The following LRRC4C variants were observed in gnomAD, a reference collection of about 807,000 sequenced individuals.
The protein encoded by LRRC4C is leucine rich repeat containing 4C.
In LRRC4C, 5 loss-of-function variants were observed where a neutral mutation model predicts 33.6. That is an observed-to-expected ratio of 0.15 (90% CI 0.08 to 0.31). The LOEUF (loss-of-function observed/expected upper bound fraction) is 0.31. LRRC4C is among the 10% of genes least tolerant of loss of function. The pLI, the probability that LRRC4C is intolerant of heterozygous loss-of-function variation, is 1.00. For missense variants in LRRC4C, 560 were observed against 796.7 expected (o/e 0.70, Z 3.58); for synonymous variants, 329 against 302.0 (o/e 1.09, Z -0.93).
chr11:40,827,076 T>C (rs1262320603), intron 2 of LRRC4C, among the ~76,000 whole-genome samples: 1 of 151,840 alleles, frequency 6.6e-6, no homozygotes, highest in Non-Finnish European at 1.5e-5. Context: ...AAAGTTAAAG[T>C]TTTTGATTCC....
At chr11:41,395,794 T>C (rs1953785601) in intron 1 of LRRC4C, among the ~76,000 whole-genome samples, 2 of 152,050 alleles carry the variant, frequency 1.3e-5, no homozygotes, top group Non-Finnish European at 1.5e-5. Flanking sequence ...AGTCCATCTC[T>C]TCTTTCACTC....
At chr11:40,844,987 T>A (rs1953089731) in intron 2 of LRRC4C, among the ~76,000 whole-genome samples, 1 of 152,116 alleles carries the variant, frequency 6.6e-6, no homozygotes, top group Admixed American at 6.5e-5. Context: ...CTAGGGTTTC[T>A]TTTGTTTTCT....
At chr11:41,294,192 G>C (rs1337338246) in intron 1 of LRRC4C, among the ~76,000 whole-genome samples, 1 of 152,140 alleles carries the variant, frequency 6.6e-6, no homozygotes, top group African/African-American at 2.4e-5. Flanking sequence ...TTTCCCCAAA[G>C]AGAATGTACT....
At chr11:40,728,714 C>A (rs7124045) in intron 2 of LRRC4C, among the ~76,000 whole-genome samples, 55,775 of 150,954 alleles carry the variant, frequency 0.37, 10,607 homozygotes, top group Non-Finnish European at 0.39. Flanking sequence ...ATAGCAAAGT[C>A]ATGGAATAAA....
intron 1 of LRRC4C, among the ~76,000 whole-genome samples, chr11:41,034,334 T>C (rs1856902619): frequency 6.6e-6 from 1 of 151,544 alleles, no homozygotes; most frequent in South Asian, 2.1e-4. Flanking sequence ...TTGGACTTTC[T>C]AGCCTCCAAA....
At chr11:40,860,820 T>G (rs71484122) in intron 2 of LRRC4C, among the ~76,000 whole-genome samples, 1 of 105,110 alleles carries the variant, frequency 9.5e-6, no homozygotes, top group Non-Finnish European at 1.8e-5. Context: ...TTTTTTTCAG[T>G]GAGGCACGAT....
chr11:40,744,483 G>T (rs924514212), intron 2 of LRRC4C, among the ~76,000 whole-genome samples: 3 of 152,164 alleles, frequency 2.0e-5, no homozygotes, highest in Non-Finnish European at 1.5e-5. Context: ...CATTGTAATT[G>T]TAGTGGTCTC....
At chr11:41,084,095 C>A (rs550464979) in intron 1 of LRRC4C, among the ~76,000 whole-genome samples, 1 of 152,248 alleles carries the variant, frequency 6.6e-6, no homozygotes, top group Non-Finnish European at 1.5e-5. Flanking sequence ...GTAGGGACTT[C>A]TTGGATTGCT....
intron 1 of LRRC4C, among the ~76,000 whole-genome samples, chr11:40,996,149 G>C (rs1853954826): frequency 6.6e-6 from 1 of 152,082 alleles, no homozygotes; most frequent in Non-Finnish European, 1.5e-5. Context: ...ATAATTTGTA[G>C]TTACCAAATG....
In LRRC4C at chr11:40,884,287, C is replaced by T. The variant is rs138277413; in HGVS notation, c.-407+49348G>A. 6.6e-5 allele frequency among the ~76,000 whole-genome samples: 10 copies of T among 152,156 alleles called. No individual in the cohort carries two copies. In the East Asian group the frequency reaches 1.9e-3, roughly 29 times the overall value. ...CATAGTATTCCATGGTGTATATGTGCTACATTTTCTTTATCCAGTCTATCA... is the reference window on the plus strand; with the variant it reads ...CATAGTATTCCATGGTGTATATGTGTTACATTTTCTTTATCCAGTCTATCA... On this transcript the variant is annotated intron_variant, in intron 2 of 6. Coordinates refer to ENST00000528697, the MANE Select transcript of LRRC4C (RefSeq NM_001258419.2).
chr11:40,803,725 G>A (rs141362625), intron 2 of LRRC4C, among the ~76,000 whole-genome samples: 3,219 of 151,998 alleles, frequency 0.021, 107 homozygotes, highest in African/African-American at 0.074. Flanking sequence ...CACCCGCCTC[G>A]GCCTCCCAAA....
intron 1 of LRRC4C, among the ~76,000 whole-genome samples, chr11:40,937,265 G>GAGCAC (rs1382118637): frequency 6.9e-6 from 1 of 144,390 alleles, no homozygotes; most frequent in Non-Finnish European, 1.5e-5. Flanking sequence ...GCTAAACATT[G>GAGCAC]AGCACATAGA....
rs900255440 is a variant in LRRC4C, at chr11:40,775,173, G to A, written c.-406-126895C>T. ...CACCTGTAATCCCAGCACTTTGGGA[G>A]GCCGAGGTGGATGGATCATGAGGTC... On this transcript the variant is annotated intron_variant, in intron 2 of 6. Transcript: ENST00000528697. Among the ~76,000 whole-genome samples, 81 of 152,186 alleles carry A rather than the reference G, an allele frequency of 5.3e-4. 1 individual carries two copies. The highest frequency in any genetic ancestry group is 1.8e-3 in the African/African-American group (75 of 41,540).
intron 1 of LRRC4C, among the ~76,000 whole-genome samples, chr11:41,358,806 A>G (rs1952250249): frequency 6.6e-6 from 1 of 152,188 alleles, no homozygotes; most frequent in African/African-American, 2.4e-5. Context: ...TTGGAAGACA[A>G]TTTGGTGGAT....
intron 1 of LRRC4C, among the ~76,000 whole-genome samples, chr11:41,361,512 A>C (rs772587652): frequency 3.3e-5 from 5 of 152,204 alleles, no homozygotes; most frequent in Non-Finnish European, 7.3e-5. Flanking sequence ...TTTCCTTCTA[A>C]GCATTCTATT....
intron 2 of LRRC4C, among the ~76,000 whole-genome samples, chr11:40,884,564 G>A (rs1955344074): frequency 6.6e-6 from 1 of 152,028 alleles, no homozygotes; most frequent in East Asian, 1.9e-4. Context: ...GAAATAAGCT[G>A]GTTTTATAGA....
chr11:40,803,623 T>C (rs1479162176), intron 2 of LRRC4C, among the ~76,000 whole-genome samples: 2 of 152,130 alleles, frequency 1.3e-5, no homozygotes, highest in African/African-American at 2.4e-5. Flanking sequence ...TGAATTTATT[T>C]ATTTTTTTGA....
chr11:40,724,934 G>C (rs1947213968), intron 2 of LRRC4C, among the ~76,000 whole-genome samples: 1 of 152,136 alleles, frequency 6.6e-6, no homozygotes, highest in Non-Finnish European at 1.5e-5. Flanking sequence ...CTTGGCAGAT[G>C]AGGGATATGA....
intron 4 of LRRC4C, among the ~76,000 whole-genome samples, chr11:40,275,665 G>A (rs965929082): frequency 3.3e-5 from 5 of 152,128 alleles, no homozygotes; most frequent in African/African-American, 9.6e-5. Flanking sequence ...ACTACTAGGT[G>A]GGTTCCCCTA....
Sources: allele counts gnomAD v4.1 joint callset (sites outside exome capture counted in the v4.1 genomes callset), GRCh38; gene constraint gnomAD v4.1.1; transcripts MANE v1.5; gene names NCBI Gene and HGNC (gene_info 2026-07-23, HGNC 2026-07-21).